Variants in GDAP1 observed in about 807,000 individuals in gnomAD.
GDAP1 encodes ganglioside induced differentiation associated protein 1, also known as ganglioside-induced differentiation-associated protein 1.
In GDAP1, 34 loss-of-function variants were observed where a neutral mutation model predicts 40.1. The observed-to-expected ratio is 0.85, with a 90% CI of 0.64 to 1.13. GDAP1 has a LOEUF of 1.13. Ranked by LOEUF, GDAP1 falls within the 50% of genes most tolerant of loss-of-function variation. GDAP1 has a pLI of 0.00. For synonymous variants in GDAP1, 170 were observed against 157.4 expected, an observed-to-expected ratio of 1.08 and a Z score of -0.60; for missense variants, 374 against 433.7, an observed-to-expected ratio of 0.86 and a Z score of 1.22.
chr8:74,407,473 G>A (rs762728567), intron 2 of GDAP1, among the ~76,000 whole-genome samples: 1 of 149,686 alleles, frequency 6.7e-6, no homozygotes, highest in Non-Finnish European at 1.5e-5. Context: ...GACTTGCTGA[G>A]TCTTCTGGCC....
At position 74,429,353 on chromosome 8, in the gene GDAP1, G is replaced by A. The variant is rs565711264; in HGVS notation, c.166-59325G>A. 3.9e-5 allele frequency among the ~76,000 whole-genome samples: 6 copies of A among 152,140 alleles called. No individual in the cohort carries two copies. In the South Asian group the frequency reaches 8.3e-4, roughly 21 times the overall value. ...TAAGAGACAAATGGCTAATTATAGT[G>A]ATTTATTCTTCTACAAACAAGAATG... On this transcript the variant is annotated intron_variant, in intron 2 of 2. Transcript: ENST00000523640.
At chr8:74,418,437 A>T (rs1805812628) in intron 2 of GDAP1, among the ~76,000 whole-genome samples, 1 of 152,248 alleles carries the variant, frequency 6.6e-6, no homozygotes, top group African/African-American at 2.4e-5. Flanking sequence ...TTTAGCAGAG[A>T]TATTATAATG....
rs544490576 is a variant in GDAP1 at position 74,434,528 on chromosome 8, A to G, written c.166-54150A>G. Among the ~76,000 whole-genome samples the G allele has an allele frequency of 3.9e-5, 6 of 152,346 alleles. No homozygotes were observed. The South Asian group carries it at 1.2e-3, about 32-fold the overall frequency. On this transcript the variant is annotated intron_variant, in intron 2 of 2. Transcript: ENST00000523640. ...GACCTGTTATTCCCAGAGTGAGATG[A>G]GTATCAAAGAAGATGGGAATTGGAA...
intron 2 of GDAP1, among the ~76,000 whole-genome samples, chr8:74,373,122 C>T (rs1809783951): frequency 6.6e-6 from 1 of 152,044 alleles, no homozygotes; most frequent in Non-Finnish European, 1.5e-5. Context: ...GTCTGTATGT[C>T]TTTTGGTACC....
chr8:74,356,716 A>ATATATATATATATTTTTT (rs375377157), intron 2 of GDAP1, among the ~76,000 whole-genome samples: 2 of 104,362 alleles, frequency 1.9e-5, no homozygotes, highest in African/African-American at 8.3e-5. Context: ...ATATATATAT[A>ATATATATATATATTTTTT]TTTTTTTTTT....
intron 2 of GDAP1, among the ~76,000 whole-genome samples, chr8:74,425,882 A>G (rs1268275835): frequency 1.3e-5 from 2 of 152,104 alleles, no homozygotes; most frequent in East Asian, 1.9e-4. Context: ...AATTATCTCA[A>G]TTATATGTCT....
intron 2 of GDAP1, among the ~76,000 whole-genome samples, chr8:74,457,547 T>C (rs560036289): frequency 2.0e-5 from 3 of 151,858 alleles, no homozygotes; most frequent in South Asian, 4.2e-4. Context: ...ATCAGATTGT[T>C]TCAAACTATT....
At chr8:74,402,724 G>A (rs1431058516) in intron 2 of GDAP1, among the ~76,000 whole-genome samples, 1 of 150,028 alleles carries the variant, frequency 6.7e-6, no homozygotes, top group Non-Finnish European at 1.5e-5. Context: ...TTAATTTTTT[G>A]CACTAAAAGC....
At chr8:74,480,384 T>C (rs1484623752) in intron 2 of GDAP1, among the ~76,000 whole-genome samples, 2 of 152,166 alleles carry the variant, frequency 1.3e-5, no homozygotes, top group Admixed American at 6.5e-5. Flanking sequence ...AGTTGGGTTG[T>C]GGAATAAAGA....
intron 2 of GDAP1, among the ~76,000 whole-genome samples, chr8:74,464,837 A>G (rs1363515234): frequency 6.6e-6 from 1 of 152,206 alleles, no homozygotes; most frequent in African/African-American, 2.4e-5. Flanking sequence ...GTCATCTTAA[A>G]TTGTAAGTAT....
chr8:74,479,321 T>G (rs535858333), intron 2 of GDAP1, among the ~76,000 whole-genome samples: 2 of 152,294 alleles, frequency 1.3e-5, no homozygotes, highest in South Asian at 4.1e-4. Flanking sequence ...TCAATAAATA[T>G]TAATCAAGTC....
At chr8:74,459,707 A>T (rs1806378034) in intron 2 of GDAP1, among the ~76,000 whole-genome samples, 1 of 152,220 alleles carries the variant, frequency 6.6e-6, no homozygotes, top group Non-Finnish European at 1.5e-5. Flanking sequence ...CACTTTAAAG[A>T]CATTTTGAAG....
At chr8:74,371,638 C>T (rs949297836), downstream of GDAP1, among the ~76,000 whole-genome samples, 397 of 147,532 alleles carry the variant, frequency 2.7e-3, no homozygotes, top group African/African-American at 9.3e-3. Flanking sequence ...CCAGCCTGGG[C>T]GACAGAGCGA....
chr8:74,482,435 A>G (rs1806724289), intron 2 of GDAP1, among the ~76,000 whole-genome samples: 1 of 152,154 alleles, frequency 6.6e-6, no homozygotes, highest in South Asian at 2.1e-4. Flanking sequence ...ATTGTATTCC[A>G]GATTTTCTGT....
intron 2 of GDAP1, among the ~76,000 whole-genome samples, chr8:74,401,936 C>T (rs542843059): frequency 5.5e-4 from 82 of 150,134 alleles, no homozygotes; most frequent in East Asian, 4.4e-3. Flanking sequence ...GAGGAGTACC[C>T]GGCCGTGTGG....
At chr8:74,431,497 T>A (rs139468562) in intron 2 of GDAP1, among the ~76,000 whole-genome samples, 1,652 of 115,462 alleles carry the variant, frequency 0.014, 20 homozygotes, top group African/African-American at 0.049. Flanking sequence ...TTATTTATTT[T>A]TTGAGACAGA....
Position 74,401,864 on chromosome 8 carries a change from C to G in GDAP1, c.165+50543C>G, listed in dbSNP as rs1275116891. On this transcript the variant is annotated intron_variant, in intron 2 of 2. Coordinates refer to the GDAP1 transcript ENST00000523640. ...GGTATCAGCAGCGGTGTCTGCAGAA[C>G]AGCGGATTTTCTTGAACCGCGAATG... Among the ~76,000 whole-genome samples the G allele has an allele frequency of 1.3e-5, 2 of 150,028 alleles. 1 individual carries two copies. Among genetic ancestry groups the G allele is most frequent in the African/African-American group, 5.1e-5 (2 of 39,344 alleles).
intron 2 of GDAP1, among the ~76,000 whole-genome samples, chr8:74,409,415 G>C (rs1043462661): frequency 6.7e-6 from 1 of 149,622 alleles, no homozygotes; most frequent in Non-Finnish European, 1.5e-5. Flanking sequence ...GCAGTGGTGC[G>C]ATCTTGGCTC....
intron 2 of GDAP1, among the ~76,000 whole-genome samples, chr8:74,401,309 T>G (rs1188487529): frequency 1.3e-5 from 2 of 149,592 alleles, no homozygotes; most frequent in African/African-American, 5.1e-5. Flanking sequence ...CATTTCATCT[T>G]CCATCACTGA....
Sources: gnomAD v4.1 joint callset for allele counts (sites outside exome capture counted in the v4.1 genomes callset) on GRCh38, gnomAD v4.1.1 for gene constraint, MANE v1.5 for transcripts, NCBI Gene and HGNC (gene_info 2026-07-23, HGNC 2026-07-21) for gene names.